Variants in PSPC1 observed in about 807,000 individuals in gnomAD.
PSPC1 encodes the protein paraspeckle component 1.
In PSPC1, 14 loss-of-function variants were observed where a neutral mutation model predicts 51.6. The ratio of observed to expected loss-of-function variants is 0.27; its 90% CI spans 0.18 to 0.42. The LOEUF is 0.42. Ranked by LOEUF, PSPC1 falls within the 10% of genes least tolerant of loss-of-function variation. The probability of loss-of-function intolerance (pLI) is 1.00; values close to 1 mark genes in which losing one functional copy is unlikely to be tolerated. For synonymous variants in PSPC1, 193 were observed against 231.9 expected (o/e 0.83, Z 1.53); for missense variants, 406 against 701.1 (o/e 0.58, Z 4.75).
At chr13:19,748,479 G>C (rs1217336552) in intron 4 of PSPC1, among the ~76,000 whole-genome samples, 1 of 152,128 alleles carries the variant, frequency 6.6e-6, no homozygotes, top group Non-Finnish European at 1.5e-5. Context: ...AAAAACTCAT[G>C]GGAAATAACT....
At chr13:19,677,040 C>A (rs752425041) in intron 7 of PSPC1, among the ~76,000 whole-genome samples, 1 of 152,076 alleles carries the variant, frequency 6.6e-6, no homozygotes, top group Non-Finnish European at 1.5e-5. Flanking sequence ...CGAGACCATC[C>A]TGGCTAACAC....
intron 6 of PSPC1, among the ~76,000 whole-genome samples, chr13:19,725,722 T>C (rs1883295653): frequency 6.6e-6 from 1 of 152,230 alleles, no homozygotes; most frequent in Admixed American, 6.5e-5. Flanking sequence ...TTAAAATTAT[T>C]AGAACTATGC....
chr13:19,746,582 G>A (rs559204423), intron 4 of PSPC1, among the ~76,000 whole-genome samples: 2 of 151,674 alleles, frequency 1.3e-5, no homozygotes, highest in South Asian at 4.2e-4. Context: ...AAAATTAGCC[G>A]GGTATGGTGG....
intron 5 of PSPC1, among the ~76,000 whole-genome samples, chr13:19,732,659 G>C (rs1884259304): frequency 1.3e-5 from 2 of 152,178 alleles, no homozygotes; most frequent in South Asian, 4.1e-4. Context: ...AGGGCGCGGT[G>C]GCTCACGCCT....
chr13:19,770,831 A>G (rs1888551832), intron 2 of PSPC1, among the ~76,000 whole-genome samples: 1 of 151,786 alleles, frequency 6.6e-6, no homozygotes, highest in African/African-American at 2.4e-5. Flanking sequence ...CCTGGGAGGC[A>G]GAGGTTACAG....
chr13:19,738,338 C>T (rs1213645152), intron 5 of PSPC1, among the ~76,000 whole-genome samples: 1 of 152,094 alleles, frequency 6.6e-6, no homozygotes, highest in Non-Finnish European at 1.5e-5. Flanking sequence ...GGATTGGTTC[C>T]AGAACCTCCC....
At chr13:19,778,584 GC>G (rs1363159486) in intron 1 of PSPC1, among the ~76,000 whole-genome samples, 4 of 125,748 alleles carry the variant, frequency 3.2e-5, no homozygotes, top group Non-Finnish European at 5.1e-5. Context: ...TGTTGGCCGG[GC>G]CGGTCTCCAG....
At chr13:19,764,443 T>C (rs544953736) in intron 2 of PSPC1, among the ~76,000 whole-genome samples, 5 of 152,082 alleles carry the variant, frequency 3.3e-5, no homozygotes, top group African/African-American at 4.8e-5. Flanking sequence ...CAACTACGTA[T>C]TTGTGACTGA....
intron 6 of PSPC1, among the ~76,000 whole-genome samples, chr13:19,724,890 T>C (rs568628424): frequency 3.0e-4 from 46 of 151,976 alleles, no homozygotes; most frequent in Non-Finnish European, 5.0e-4. Context: ...TCCCAGCTAT[T>C]TGGGAGGCTG....
intron 4 of PSPC1, among the ~76,000 whole-genome samples, chr13:19,747,478 A>G (rs1752776294): frequency 6.6e-6 from 1 of 151,870 alleles, no homozygotes; most frequent in South Asian, 2.1e-4. Context: ...AACTACAGAC[A>G]CATGCCACCA....
intron 2 of PSPC1, among the ~76,000 whole-genome samples, chr13:19,766,922 G>A (rs1593756093): frequency 6.6e-6 from 1 of 151,198 alleles, no homozygotes; most frequent in Non-Finnish European, 1.5e-5. Flanking sequence ...CCAGCACTCT[G>A]GGAGGCTGAG....
chr13:19,749,831 T>C (rs1434062523), intron 4 of PSPC1, among the ~76,000 whole-genome samples: 1 of 151,972 alleles, frequency 6.6e-6, no homozygotes, highest in African/African-American at 2.4e-5. Flanking sequence ...CTCTAAGATA[T>C]AAATGAATTC....
chr13:19,755,955 G>A (rs1887021975), intron 3 of PSPC1, among the ~76,000 whole-genome samples: 2 of 152,262 alleles, frequency 1.3e-5, no homozygotes, highest in Non-Finnish European at 2.9e-5. Flanking sequence ...TAAACAAGTG[G>A]GCCGGGCGCA....
chr13:19,674,955 C>A (rs879714282), exon 8 of PSPC1: 2 of 152,112 alleles, frequency 1.3e-5, no homozygotes, highest in Non-Finnish European at 2.9e-5. Flanking sequence ...CTTCCAGGTT[C>A]GGAAAAGCCT....
At chr13:19,729,499 T>C (rs1420109201) in intron 6 of PSPC1, among the ~76,000 whole-genome samples, 1 of 149,350 alleles carries the variant, frequency 6.7e-6, no homozygotes, top group African/African-American at 2.5e-5. Context: ...ATTGTGCCAC[T>C]GCACTCCAGC....
chr13:19,688,457 A>C (rs192358236), intron 6 of PSPC1, among the ~76,000 whole-genome samples: 19 of 152,196 alleles, frequency 1.2e-4, no homozygotes, highest in African/African-American at 4.3e-4. Context: ...CAATTCATGC[A>C]TATGTAAGTA....
intron 7 of PSPC1, among the ~76,000 whole-genome samples, chr13:19,707,435 A>C (rs1880838323): frequency 6.6e-6 from 1 of 152,222 alleles, no homozygotes; most frequent in Admixed American, 6.5e-5. Context: ...CTAGTGATAC[A>C]CCAGAAAATC....
At chr13:19,672,052 G>A, downstream of PSPC1, 1 of 631,222 alleles carries the variant, frequency 1.6e-6, no homozygotes, top group Non-Finnish European at 2.8e-6. Flanking sequence ...GTGCCAGTAT[G>A]CCGGAATCTC....
downstream of PSPC1, among the ~76,000 whole-genome samples, chr13:19,699,891 T>A (rs561517664): frequency 5.3e-5 from 8 of 152,010 alleles, no homozygotes; most frequent in Non-Finnish European, 1.0e-4. Context: ...TTTAACACAT[T>A]AGATGTTGTA....
Sources: gnomAD v4.1 joint callset for allele counts (sites outside exome capture counted in the v4.1 genomes callset) on GRCh38, gnomAD v4.1.1 for gene constraint, MANE v1.5 for transcripts, NCBI Gene and HGNC (gene_info 2026-07-23, HGNC 2026-07-21) for gene names.